ABCC2: variants seen among roughly 807,000 people sequenced by gnomAD.
ABCC2 encodes ATP-binding cassette sub-family C member 2.
In ABCC2, 157 loss-of-function variants were observed where a neutral mutation model predicts 173.4. That is an observed-to-expected ratio of 0.91 (90% CI 0.80 to 1.03). The LOEUF (loss-of-function observed/expected upper bound fraction) is 1.03, where lower values mean the gene tolerates loss of function less well. Ranked by LOEUF, ABCC2 falls within the 50% of genes least tolerant of loss-of-function variation. ABCC2 has a pLI of 0.00. For synonymous variants in ABCC2, 657 were observed against 693.5 expected, an observed-to-expected ratio of 0.95 and a Z score of 0.83; for missense variants, 1,822 against 1,852.3, an observed-to-expected ratio of 0.98 and a Z score of 0.30.
chr10:99,805,403 G>A lies in ABCC2; in HGVS notation c.1486G>A (p.Asp496Asn). 1 of 1,613,882 alleles carries A rather than the reference G, an allele frequency of 6.2e-7. No individual in the cohort carries two copies. The highest frequency in any genetic ancestry group is 1.1e-5 in the South Asian group (1 of 91,024). Residue 496 changes from aspartate (D) to asparagine (N), a missense_variant, in exon 11 of 32, where the codon GAC (aspartate) becomes AAC (asparagine). Transcript: ENST00000647814. Reference protein sequence around the residue: ...TIQVKNMKNKDKRLKIMNEIL... With the variant: ...TIQVKNMKNKNKRLKIMNEIL... ...GCAGGTCAAAAATATGAAGAATAAA[G>A]ACAAACGTTTAAAGATCATGAATGA...
chr10:99,795,801 A>G (rs2490765), intron 6 of ABCC2, among the ~76,000 whole-genome samples: 25,168 of 102,076 alleles, frequency 0.25, 3,263 homozygotes, highest in South Asian at 0.27. Flanking sequence ...GAAAGAAAGA[A>G]AGATTTCTAA....
chr10:99,797,428 T>TGAGAAGTATGAAGTGCTA, intron 7 of ABCC2, 97 bp downstream of exon 7: 3 of 1,061,692 alleles, frequency 2.8e-6, no homozygotes, highest in Non-Finnish European at 4.3e-6. Context: ...TTTATAGCAC[T>TGAGAAGTATGAAGTGCTA]TCATACTTCT....
In ABCC2 at chr10:99,806,083, G is replaced by C. The variant is rs200535294; in HGVS notation, c.1530+636G>C. Among the ~76,000 whole-genome samples, 645 of 94,652 alleles carry C rather than the reference G, an allele frequency of 6.8e-3. 1 individual carries two copies. The highest frequency in any genetic ancestry group is 0.013 in the African/African-American group (300 of 23,820). 62.1% of individuals were successfully genotyped at this position (94,652 alleles called of 152,430 possible). A position where few individuals can be genotyped will look rare whatever the true frequency, so the allele number is the denominator to read the frequency against. On this transcript the variant is annotated intron_variant, in intron 11 of 31. Transcript: ENST00000647814. ...ACAGTCTCTCTCTCTCTGTCTGTGT[G>C]TGTGTGTGTGTGTGTGTGTGTGTGT...
At chr10:99,806,601 A>G (rs1310372988) in intron 11 of ABCC2, among the ~76,000 whole-genome samples, 1 of 152,216 alleles carries the variant, frequency 6.6e-6, no homozygotes, top group Non-Finnish European at 1.5e-5. Context: ...AAATTTTTAA[A>G]TTCTGTTATT....
chr10:99,800,428 G>A lies in ABCC2; in HGVS notation c.1074G>A (p.Trp358Ter), dbSNP rs1313391525. 1 of 1,614,160 alleles carries A rather than the reference G, an allele frequency of 6.2e-7. No individual in the cohort carries two copies. Among genetic ancestry groups the A allele is most frequent in the Non-Finnish European group, 8.5e-7 (1 of 1,180,024 alleles). Residue 358 changes from tryptophan (W) to a stop codon, truncating the protein, a stop_gained, in exon 9 of 32, where the codon TGG (tryptophan) becomes TGA (stop). Transcript: ENST00000647814. LOFTEE classifies it high-confidence loss of function. ...CAAGTGACCGTGACACATATTTGTG[G>A]ATTGGATATCTCTGTGCAATCCTCT... is the stretch of plus-strand genomic sequence containing the variant. ...SFASDRDTYL[W>*]IGYLCAILLF...
Position 99,814,384 on chromosome 10 carries a change from T to C in ABCC2, c.2094+1240T>C, listed in dbSNP as rs1387210182. ...ACACACATGTATATATACACATATA[T>C]ACATATATGGGTATATATACACACG... On this transcript the variant is annotated intron_variant, in intron 16 of 31. Transcript: ENST00000647814. Among the ~76,000 whole-genome samples the C allele has an allele frequency of 2.1e-5, 3 of 144,012 alleles. 1 individual carries two copies. Among genetic ancestry groups the C allele is most frequent in the Non-Finnish European group, 3.1e-5 (2 of 64,648 alleles). The allele number at this position is 144,012 out of a possible 152,430, so 94.5% of individuals were successfully genotyped here.
intron 11 of ABCC2, among the ~76,000 whole-genome samples, chr10:99,806,077 C>CTCTCTGTGTGTGTGTGTGTGTGTGTGTG (rs10644836): frequency 6.8e-6 from 1 of 148,044 alleles, no homozygotes; most frequent in African/African-American, 2.5e-5. Context: ...CTCTCTCTGT[C>CTCTCTGTGTGTGTGTGTGTGTGTGTGTG]TGTGTGTGTG....
intron 9 of ABCC2, among the ~76,000 whole-genome samples, chr10:99,803,813 G>A (rs932369826): frequency 6.6e-6 from 1 of 152,102 alleles, no homozygotes; most frequent in Non-Finnish European, 1.5e-5. Flanking sequence ...TAGAGTTGGA[G>A]GAAGGTGGGA....
intron 2 of ABCC2, among the ~76,000 whole-genome samples, chr10:99,788,229 G>A (rs750478067): frequency 6.6e-6 from 1 of 152,076 alleles, no homozygotes; most frequent in Non-Finnish European, 1.5e-5. Flanking sequence ...ACAAATGCTA[G>A]CGTCCCATAT....
At chr10:99,838,310 C>T (rs2038862672) in intron 25 of ABCC2, among the ~76,000 whole-genome samples, 1 of 67,646 alleles carries the variant, frequency 1.5e-5, no homozygotes, top group African/African-American at 5.7e-5. Flanking sequence ...CCGGACGGGG[C>T]GGCTGGCCGG....
chr10:99,799,061 A>G (rs559076102), intron 7 of ABCC2, 146 bp from the exon 8 acceptor site: 2 of 810,838 alleles, frequency 2.5e-6, no homozygotes, highest in Admixed American at 4.3e-5. Flanking sequence ...GAAGGCAGCT[A>G]GAAGGGCAGA....
chr10:99,801,279 G>A (rs2038012118), intron 9 of ABCC2, among the ~76,000 whole-genome samples: 1 of 151,872 alleles, frequency 6.6e-6, no homozygotes, highest in African/African-American at 2.4e-5. Flanking sequence ...CTCTATCACC[G>A]AGGCTGGAGT....
At position 99,850,697 on chromosome 10, in the gene ABCC2, A is replaced by C; in HGVS notation, c.4409A>C (p.Glu1470Ala). ...GAGGCCACTGCTGCGGTGGATCTAG[A>C]GACAGACAACCTCATTCAGACGACC... Reference protein sequence around the residue: ...LDEATAAVDLETDNLIQTTIQ... With the variant: ...LDEATAAVDLATDNLIQTTIQ... The change falls in exon 31 of 32, where the codon GAG becomes GCG. Residue 1470 changes from glutamate (E) to alanine (A), a missense_variant. By Grantham distance (107) the Glu-to-Ala change is moderately radical. Coordinates refer to ENST00000647814, the MANE Select transcript of ABCC2 (RefSeq NM_000392.5). 1 of 1,614,190 alleles carries C rather than the reference A, an allele frequency of 6.2e-7. No individual in the cohort carries two copies. Among genetic ancestry groups the C allele is most frequent in the Non-Finnish European group, 8.5e-7 (1 of 1,180,032 alleles).
intron 15 of ABCC2, 75 bp downstream of exon 15, chr10:99,811,677 A>G: frequency 6.7e-7 from 1 of 1,502,280 alleles, no homozygotes. Context: ...AATTCCATGT[A>G]ATAGAATGCA....
intron 19 of ABCC2, among the ~76,000 whole-genome samples, chr10:99,822,292 T>A (rs949559389): frequency 4.3e-4 from 65 of 152,112 alleles, no homozygotes; most frequent in Admixed American, 1.4e-3. Context: ...GTTCTCTAGA[T>A]ATTTTGTAGC....
chr10:99,849,225 C>T (rs74720830), intron 30 of ABCC2, among the ~76,000 whole-genome samples: 10 of 152,234 alleles, frequency 6.6e-5, no homozygotes, highest in African/African-American at 9.6e-5. Flanking sequence ...AGCGAAACTC[C>T]GTCTCGAAAA....
chr10:99,837,273 T>C (rs1485152924), intron 25 of ABCC2, among the ~76,000 whole-genome samples: 21 of 128,644 alleles, frequency 1.6e-4, no homozygotes, highest in African/African-American at 5.9e-4. Context: ...GTAGCTGGGA[T>C]TACAGGCATG....
intron 15 of ABCC2, among the ~76,000 whole-genome samples, chr10:99,812,691 C>T (rs1042690546): frequency 2.6e-5 from 4 of 152,130 alleles, no homozygotes; most frequent in Admixed American, 2.0e-4. Context: ...GTCTCCAGGC[C>T]CCCACTAGGG....
At chr10:99,803,428 G>T (rs932301223) in intron 9 of ABCC2, among the ~76,000 whole-genome samples, 2 of 152,096 alleles carry the variant, frequency 1.3e-5, no homozygotes, top group Non-Finnish European at 2.9e-5. Flanking sequence ...AATACATGCT[G>T]GTTCCCTCCT....
Sources: gnomAD v4.1 joint callset for allele counts (sites outside exome capture counted in the v4.1 genomes callset) on GRCh38, gnomAD v4.1.1 for gene constraint, MANE v1.5 for transcripts, NCBI Gene and HGNC (gene_info 2026-07-23, HGNC 2026-07-21) for gene names.